Variants in TMEM181 observed in about 807,000 individuals in gnomAD.
TMEM181 encodes G protein-coupled receptor 178.
TMEM181 carries 39 observed loss-of-function variants against 71.9 expected under a neutral mutation model. The observed-to-expected ratio is 0.54, with a 90% CI of 0.42 to 0.71. The LOEUF (loss-of-function observed/expected upper bound fraction) is 0.71. TMEM181 is among the 30% of genes least tolerant of loss of function. The probability of loss-of-function intolerance (pLI) is 0.00; values close to 1 mark genes in which losing one functional copy is unlikely to be tolerated. For missense variants in TMEM181, 595 were observed against 583.0 expected (o/e 1.02, Z -0.21); for synonymous variants, 245 against 228.8 (o/e 1.07, Z -0.64).
chr6:158,553,493 T>TA (rs1290919123), intron 1 of TMEM181, among the ~76,000 whole-genome samples: 4 of 152,248 alleles, frequency 2.6e-5, no homozygotes, highest in African/African-American at 9.6e-5. Flanking sequence ...ACTCAGAAGA[T>TA]ACAGCTATTT....
intron 6 of TMEM181, among the ~76,000 whole-genome samples, chr6:158,593,445 T>C (rs1455812994): frequency 6.6e-6 from 1 of 152,224 alleles, no homozygotes; most frequent in Admixed American, 6.5e-5. Flanking sequence ...AAGAAAATTA[T>C]TTGAAAACAA....
At position 158,578,217 on chromosome 6, in the gene TMEM181, G is replaced by T. The variant is rs141605943; in HGVS notation, c.113-2723G>T. ...TGAGGAAGTTATTACTATTAGACCTGCCCTGCAAGTATTGCTGAAGTGAGT... is the reference window on the plus strand; with the variant it reads ...TGAGGAAGTTATTACTATTAGACCTTCCCTGCAAGTATTGCTGAAGTGAGT... On this transcript the variant is annotated intron_variant, in intron 2 of 16. Coordinates refer to ENST00000684151, the MANE Select transcript of TMEM181 (RefSeq NM_001376852.1). Among the ~76,000 whole-genome samples, 408 of 152,330 alleles carry T rather than the reference G, an allele frequency of 2.7e-3. 1 individual carries two copies. Among genetic ancestry groups the T allele is most frequent in the Non-Finnish European group, 4.9e-3 (335 of 68,040 alleles).
At chr6:158,597,902 A>G (rs1205128175) in intron 6 of TMEM181, among the ~76,000 whole-genome samples, 1 of 152,120 alleles carries the variant, frequency 6.6e-6, no homozygotes, top group East Asian at 1.9e-4. Context: ...ATACCACCAT[A>G]ATGGGGGCTA....
chr6:158,589,562 G>C, intron 5 of TMEM181, 110 bp from the exon 6 acceptor site: 3 of 775,334 alleles, frequency 3.9e-6, no homozygotes, highest in South Asian at 3.2e-5. Flanking sequence ...GAGTTCCCTG[G>C]AGACAATGAG....
At chr6:158,566,612 T>G (rs1318940213) in intron 1 of TMEM181, among the ~76,000 whole-genome samples, 5 of 47,430 alleles carry the variant, frequency 1.1e-4, no homozygotes, top group South Asian at 7.4e-4. Context: ...TGGAGGGAGG[T>G]GATACGGTGA....
chr6:158,631,942 C>T lies in TMEM181; in HGVS notation c.*54C>T, dbSNP rs901926834. 16 of 1,460,594 alleles carry T rather than the reference C, an allele frequency of 1.1e-5. No individual in the cohort carries two copies. The highest frequency in any genetic ancestry group is 1.7e-4 in the Middle Eastern group (1 of 5,792). 90.5% of individuals were successfully genotyped at this position (1,460,594 alleles called of 1,614,324 possible). A position where few individuals can be genotyped will look rare whatever the true frequency, so the allele number is the denominator to read the frequency against. ...ATGCCTGGATGCTTTCCCCGGTGAC[C>T]GTCTGCTGACCTTCCCCTGTTATAT... On this transcript the variant is annotated 3_prime_UTR_variant, in exon 17 of 17. Transcript: ENST00000684151.
intron 1 of TMEM181, among the ~76,000 whole-genome samples, chr6:158,553,418 T>C (rs2128281900): frequency 6.6e-6 from 1 of 152,330 alleles, no homozygotes; most frequent in South Asian, 2.1e-4. Flanking sequence ...TGTTAACCAT[T>C]TTTATAGCCT....
intron 1 of TMEM181, among the ~76,000 whole-genome samples, chr6:158,544,541 G>A (rs1488527639): frequency 2.0e-5 from 3 of 152,198 alleles, no homozygotes; most frequent in Non-Finnish European, 2.9e-5. Context: ...TAGCTGAACA[G>A]TGCAGAAAGG....
chr6:158,599,754 A>G (rs1784568306), intron 6 of TMEM181, among the ~76,000 whole-genome samples: 1 of 152,152 alleles, frequency 6.6e-6, no homozygotes, highest in Non-Finnish European at 1.5e-5. Flanking sequence ...GCTGTGTGTC[A>G]TGGAGGGGCC....
chr6:158,629,112 G>T (rs1362318236), intron 14 of TMEM181, among the ~76,000 whole-genome samples: 1 of 152,216 alleles, frequency 6.6e-6, no homozygotes, highest in Non-Finnish European at 1.5e-5. Context: ...TCGCCCAGAA[G>T]TCGGAGAGGT....
intron 5 of TMEM181, 131 bp from the exon 6 acceptor site, chr6:158,589,539 CTG>C (rs774161541): frequency 9.2e-6 from 6 of 654,126 alleles, no homozygotes; most frequent in Non-Finnish European, 1.3e-5. Context: ...CTGACTTTCT[CTG>C]GGCTTTTGGC....
intron 13 of TMEM181, among the ~76,000 whole-genome samples, 162 bp downstream of exon 13, chr6:158,625,916 C>G (rs144067688): frequency 1.3e-5 from 2 of 152,318 alleles, no homozygotes; most frequent in Non-Finnish European, 2.9e-5. Context: ...CCGAGAGCAG[C>G]CGTCAGCCTG....
intron 12 of TMEM181, among the ~76,000 whole-genome samples, 160 bp from the exon 13 acceptor site, chr6:158,625,543 A>G (rs1268809937): frequency 6.6e-6 from 1 of 152,210 alleles, no homozygotes; most frequent in Admixed American, 6.5e-5. Context: ...GGCCCTGGGA[A>G]GGGACCAACG....
rs10626721 is a variant in TMEM181, at chr6:158,581,753, CAAAAAAAA to C, written c.168+772_168+779del. 2.4e-4 allele frequency among the ~76,000 whole-genome samples: 15 copies of C among 62,162 alleles called. No individual in the cohort carries two copies. The Admixed American group carries it at 2.5e-3, about 10-fold the overall frequency. The allele number at this position is 62,162 out of a possible 152,430, so 40.8% of individuals were successfully genotyped here. A position where few individuals can be genotyped will look rare whatever the true frequency, so the allele number is the denominator to read the frequency against. The stretch of plus-strand genomic sequence containing the variant: ...TGGGTGACAGAGTGAGACTCTGTCT[CAAAAAAAA>C]AAAAAAAAAAAAAGCCTTAACTTTT... On this transcript the variant is annotated intron_variant, in intron 3 of 16. Coordinates refer to ENST00000684151, the MANE Select transcript of TMEM181 (RefSeq NM_001376852.1).
At chr6:158,575,746 C>T (rs570075067) in intron 2 of TMEM181, among the ~76,000 whole-genome samples, 1 of 152,324 alleles carries the variant, frequency 6.6e-6, no homozygotes, top group South Asian at 2.1e-4. Context: ...ACACAGGCCT[C>T]TTTCCTACAT....
chr6:158,606,213 A>G, intron 7 of TMEM181, among the ~76,000 whole-genome samples: 1 of 140,948 alleles, frequency 7.1e-6, no homozygotes, highest in Non-Finnish European at 1.6e-5. Context: ...TGGGCGCTAG[A>G]GCCACAGGGA....
At chr6:158,581,612 G>A (rs112252525) in intron 3 of TMEM181, among the ~76,000 whole-genome samples, 1 of 151,842 alleles carries the variant, frequency 6.6e-6, no homozygotes, top group Non-Finnish European at 1.5e-5. Context: ...AAATTAGCTG[G>A]GCGTGGTGGG....
intron 12 of TMEM181, 37 bp from the exon 13 acceptor site, chr6:158,625,666 A>T: frequency 6.4e-7 from 1 of 1,553,602 alleles, no homozygotes. Context: ...AGTGGAATTT[A>T]CTTCCAGAGT....
In TMEM181 at chr6:158,625,738, G is replaced by T. The variant is rs371179534; in HGVS notation, c.1093G>T (p.Val365Leu). The change falls in exon 13 of 17, where the codon GTA (valine) becomes TTA (leucine). Residue 365 changes from valine to leucine, a missense_variant. By Grantham distance (32) the Val-to-Leu change is conservative. Coordinates refer to ENST00000684151, the MANE Select transcript of TMEM181 (RefSeq NM_001376852.1). ...RLKFLTALTF[V>L]VLVISIAILY... ...GAAATTTTTGACTGCATTGACTTTC[G>T]TAGTACTTGTCATTAGGTAAGAAGA... 3.1e-6 allele frequency: 5 copies of T among 1,610,644 alleles called. No individual in the cohort carries two copies. The African/African-American group carries it at 6.7e-5, about 22-fold the overall frequency.
Sources: allele counts gnomAD v4.1 joint callset (sites outside exome capture counted in the v4.1 genomes callset), GRCh38; gene constraint gnomAD v4.1.1; transcripts MANE v1.5; gene names NCBI Gene and HGNC (gene_info 2026-07-23, HGNC 2026-07-21).